STK39: variants seen among roughly 807,000 people sequenced by gnomAD.
The protein encoded by STK39 is serine/threonine kinase 39, also known as STE20/SPS1-related proline-alanine-rich protein kinase.
STK39 carries 20 observed loss-of-function variants against 77.8 expected under a neutral mutation model. The ratio of observed to expected loss-of-function variants is 0.26; its 90% CI spans 0.18 to 0.37. The LOEUF (loss-of-function observed/expected upper bound fraction) is 0.37. Ranked by LOEUF, STK39 falls within the 10% of genes least tolerant of loss-of-function variation. The pLI is 1.00. For missense variants in STK39, 479 were observed against 656.5 expected (o/e 0.73, Z 2.95); for synonymous variants, 246 against 234.1 (o/e 1.05, Z -0.47).
chr2:168,133,873 G>A (rs895655840), intron 8 of STK39, among the ~76,000 whole-genome samples: 4 of 151,730 alleles, frequency 2.6e-5, no homozygotes, highest in African/African-American at 9.7e-5. Context: ...AAAAGAAAAT[G>A]ACAGAGGGAA....
chr2:168,030,241 A>AAAT (rs1201990118), intron 14 of STK39, among the ~76,000 whole-genome samples: 1 of 152,120 alleles, frequency 6.6e-6, no homozygotes, highest in East Asian at 1.9e-4. Flanking sequence ...CTCTGTCTCA[A>AAAT]AATAATAATA....
intron 1 of STK39, among the ~76,000 whole-genome samples, chr2:168,182,505 A>T (rs1184182714): frequency 6.6e-6 from 1 of 152,174 alleles, no homozygotes; most frequent in East Asian, 1.9e-4. Context: ...TGATGTTTGA[A>T]CACTCTTTGG....
chr2:168,041,069 T>G (rs1365339217), intron 14 of STK39, among the ~76,000 whole-genome samples: 3 of 152,130 alleles, frequency 2.0e-5, no homozygotes, highest in African/African-American at 7.2e-5. Flanking sequence ...CCTTGCCCAC[T>G]TGGAGCTTAC....
chr2:168,176,537 GGGAGT>G (rs1170675807), intron 2 of STK39, among the ~76,000 whole-genome samples: 1 of 152,150 alleles, frequency 6.6e-6, no homozygotes, highest in East Asian at 1.9e-4. Flanking sequence ...AGGTGACGGA[GGGAGT>G]GAACAGTAGA....
chr2:168,246,148 T>G (rs1394835144), intron 1 of STK39, among the ~76,000 whole-genome samples: 1 of 152,172 alleles, frequency 6.6e-6, no homozygotes, highest in Non-Finnish European at 1.5e-5. Flanking sequence ...TTCATCGCTG[T>G]ACTTATATAC....
At chr2:168,019,503 C>T (rs1292563365) in intron 14 of STK39, among the ~76,000 whole-genome samples, 1 of 152,018 alleles carries the variant, frequency 6.6e-6, no homozygotes, top group Non-Finnish European at 1.5e-5. Flanking sequence ...CGTACCCTTG[C>T]GAAGATATGG....
chr2:168,155,785 A>G (rs192719126), intron 5 of STK39, among the ~76,000 whole-genome samples: 1 of 152,314 alleles, frequency 6.6e-6, no homozygotes, highest in Admixed American at 6.5e-5. Context: ...TATTTAAAAT[A>G]TTTCTGCCTC....
At chr2:168,136,979 A>T (rs1687857165) in intron 8 of STK39, among the ~76,000 whole-genome samples, 1 of 152,192 alleles carries the variant, frequency 6.6e-6, no homozygotes, top group Admixed American at 6.5e-5. Context: ...TCCATGAGAA[A>T]AGTGATTGAT....
chr2:168,178,136 A>C (rs1688998428), intron 2 of STK39, among the ~76,000 whole-genome samples: 1 of 152,332 alleles, frequency 6.6e-6, no homozygotes, highest in African/African-American at 2.4e-5. Context: ...GAGAGCATTA[A>C]ACTAGTTATA....
intron 14 of STK39, among the ~76,000 whole-genome samples, chr2:168,059,460 C>T (rs80239892): frequency 8.5e-5 from 13 of 152,048 alleles, no homozygotes; most frequent in Admixed American, 5.9e-4. Flanking sequence ...GTGAGGGTGG[C>T]GTAGTGGAGA....
At chr2:168,120,503 C>G (rs1687378211) in intron 10 of STK39, among the ~76,000 whole-genome samples, 1 of 152,188 alleles carries the variant, frequency 6.6e-6, no homozygotes, top group African/African-American at 2.4e-5. Context: ...TCATGTGCAC[C>G]TGAGTGCCCA....
chr2:168,006,640 G>A (rs1283527034), intron 16 of STK39, among the ~76,000 whole-genome samples: 1 of 152,122 alleles, frequency 6.6e-6, no homozygotes, highest in African/African-American at 2.4e-5. Context: ...GCAAATTTAT[G>A]CATGCATGTC....
intron 1 of STK39, among the ~76,000 whole-genome samples, chr2:168,246,498 C>G (rs1300762319): frequency 1.3e-5 from 2 of 152,238 alleles, no homozygotes; most frequent in African/African-American, 4.8e-5. Flanking sequence ...AGCATCGGCC[C>G]GGTGCAGGGC....
At position 168,103,429 on chromosome 2, in the gene STK39, G is replaced by A. The variant is rs578215710; in HGVS notation, c.1089+26112C>T. Among the ~76,000 whole-genome samples the A allele has an allele frequency of 5.9e-5, 9 of 152,298 alleles. No homozygotes were observed. In the South Asian group the frequency reaches 1.7e-3, roughly 28 times the overall value. Reference sequence around the variant, plus strand: ...CAGCTGCGGACCCTTTCATTAGACTGTGTATTTTCCTAAGCAAACTATTCT... The same window carrying A: ...CAGCTGCGGACCCTTTCATTAGACTATGTATTTTCCTAAGCAAACTATTCT... On this transcript the variant is annotated intron_variant, in intron 10 of 17. Transcript: ENST00000355999.
chr2:167,974,644 G>A (rs985120786), intron 16 of STK39, among the ~76,000 whole-genome samples: 2 of 151,390 alleles, frequency 1.3e-5, no homozygotes, highest in Non-Finnish European at 2.9e-5. Flanking sequence ...AACTAAATTT[G>A]TCAACTGTGT....
At chr2:168,174,100 GAAGA>G (rs1378462823) in intron 2 of STK39, among the ~76,000 whole-genome samples, 1 of 152,168 alleles carries the variant, frequency 6.6e-6, no homozygotes, top group African/African-American at 2.4e-5. Flanking sequence ...TAGGTATTTT[GAAGA>G]AAGAGAAACA....
At chr2:167,974,243 T>C (rs1023322082) in intron 16 of STK39, among the ~76,000 whole-genome samples, 4 of 152,184 alleles carry the variant, frequency 2.6e-5, no homozygotes, top group African/African-American at 9.7e-5. Flanking sequence ...TAAAAATTTT[T>C]TGAGTCATCA....
chr2:168,163,156 A>G (rs959697231), intron 4 of STK39, among the ~76,000 whole-genome samples: 1 of 152,210 alleles, frequency 6.6e-6, no homozygotes, highest in African/African-American at 2.4e-5. Flanking sequence ...CCCAAGTAGC[A>G]CTCACTCACT....
chr2:168,209,139 C>A (rs185884043), intron 1 of STK39, among the ~76,000 whole-genome samples: 2 of 152,196 alleles, frequency 1.3e-5, no homozygotes, highest in African/African-American at 4.8e-5. Context: ...TAGATTCTAC[C>A]CCTTTCCTTT....
Sources: allele counts gnomAD v4.1 joint callset (sites outside exome capture counted in the v4.1 genomes callset), GRCh38; gene constraint gnomAD v4.1.1; transcripts MANE v1.5; gene names NCBI Gene and HGNC (gene_info 2026-07-23, HGNC 2026-07-21).